Variants in ZMYND8 observed in about 807,000 individuals in gnomAD.
The protein encoded by ZMYND8 is MYND-type zinc finger-containing chromatin reader ZMYND8.
A neutral mutation model predicts 140.8 loss-of-function variants in ZMYND8; 37 were observed. That is an observed-to-expected ratio of 0.26 (90% CI 0.20 to 0.35). ZMYND8 has a LOEUF of 0.35. ZMYND8 is among the 10% of genes least tolerant of loss of function. ZMYND8 has a pLI of 1.00. For synonymous variants in ZMYND8, 592 were observed against 597.1 expected (o/e 0.99, Z 0.12); for missense variants, 1,068 against 1,570.0 (o/e 0.68, Z 5.40).
At chr20:47,214,372 G>A (rs1600846957) in intron 21 of ZMYND8, among the ~76,000 whole-genome samples, 2 of 152,306 alleles carry the variant, frequency 1.3e-5, no homozygotes, top group Admixed American at 1.3e-4. Context: ...CACACTCTCA[G>A]AATCACTGCG....
intron 21 of ZMYND8, among the ~76,000 whole-genome samples, chr20:47,218,550 T>A (rs1329871078): frequency 6.6e-6 from 1 of 152,182 alleles, no homozygotes; most frequent in East Asian, 1.9e-4. Context: ...CAAAAATGAA[T>A]GTAATGAAAA....
chr20:47,299,522 G>C (rs1477707794), intron 3 of ZMYND8, among the ~76,000 whole-genome samples: 3 of 152,172 alleles, frequency 2.0e-5, no homozygotes, highest in African/African-American at 7.2e-5. Context: ...CAGACATTTA[G>C]AGAATAGATC....
At chr20:47,233,167 G>A (rs539475248) in intron 16 of ZMYND8, among the ~76,000 whole-genome samples, 31 of 148,244 alleles carry the variant, frequency 2.1e-4, no homozygotes, top group African/African-American at 7.3e-4. Context: ...TGGGCCTCCC[G>A]AAGTGCTAGG....
intron 12 of ZMYND8, 44 bp from the exon 13 acceptor site, chr20:47,249,483 T>A (rs6512435): frequency 1.3e-6 from 2 of 1,590,114 alleles, no homozygotes; most frequent in Non-Finnish European, 1.7e-6. Context: ...GCACACACCA[T>A]CCTCATCACG....
chr20:47,268,290 CTTTTT>C (rs561765484), intron 11 of ZMYND8, among the ~76,000 whole-genome samples: 1 of 107,344 alleles, frequency 9.3e-6, no homozygotes, highest in Non-Finnish European at 1.8e-5. Context: ...AACCCCGTCT[CTTTTT>C]TTTTTTTTTT....
At chr20:47,291,996 T>C (rs1601647850) in intron 5 of ZMYND8, 108 bp from the exon 6 acceptor site, 1 of 954,592 alleles carries the variant, frequency 1.0e-6, no homozygotes, top group Non-Finnish European at 1.5e-6. Flanking sequence ...TCAGACAATA[T>C]AGTTCTAAAG....
chr20:47,219,916 G>T (rs76620955), intron 21 of ZMYND8, among the ~76,000 whole-genome samples: 4,129 of 151,922 alleles, frequency 0.027, 186 homozygotes, highest in African/African-American at 0.094. Flanking sequence ...GTCATTTACC[G>T]TTCTCATTTC....
intron 2 of ZMYND8, among the ~76,000 whole-genome samples, chr20:47,346,980 T>C (rs913820346): frequency 1.3e-5 from 2 of 152,200 alleles, no homozygotes; most frequent in Non-Finnish European, 2.9e-5. Flanking sequence ...TGCGACACTC[T>C]GCAGCCAAAT....
At position 47,229,817 on chromosome 20, in the gene ZMYND8, A is replaced by G; in HGVS notation, c.2857-11T>C. On this transcript the variant is annotated splice_polypyrimidine_tract_variant and intron_variant, in intron 16 of 22. Transcript: ENST00000471951. ...TATTGCATCCATCATCTGAAAGATA[A>G]AAACAGAAACAATTCAGCTGATCAC... 1 of 1,606,050 alleles carries G rather than the reference A, an allele frequency of 6.2e-7. No homozygotes were observed. The highest frequency in any genetic ancestry group is 8.5e-7 in the Non-Finnish European group (1 of 1,174,482).
intron 2 of ZMYND8, chr20:47,318,840 T>C: frequency 1.3e-6 from 1 of 768,568 alleles, no homozygotes; most frequent in Non-Finnish European, 2.0e-6. Context: ...AATGAGGCTG[T>C]GGAATGAAAG....
intron 2 of ZMYND8, among the ~76,000 whole-genome samples, chr20:47,314,890 G>T (rs1177725978): frequency 2.6e-5 from 4 of 152,190 alleles, no homozygotes; most frequent in Non-Finnish European, 5.9e-5. Context: ...AGAGCCGGGA[G>T]AAAGGGACTA....
At chr20:47,278,051 C>T (rs2076366152) in intron 10 of ZMYND8, among the ~76,000 whole-genome samples, 1 of 152,134 alleles carries the variant, frequency 6.6e-6, no homozygotes, top group African/African-American at 2.4e-5. Flanking sequence ...AGGCTCACTA[C>T]AGCCTCAAAC....
chr20:47,319,011 G>A, intron 2 of ZMYND8: 3 of 1,351,496 alleles, frequency 2.2e-6, no homozygotes, highest in Non-Finnish European at 2.9e-6. Context: ...AAAGAGAACA[G>A]AGGCTCACCC....
At chr20:47,309,559 G>A (rs1333361007) in intron 3 of ZMYND8, among the ~76,000 whole-genome samples, 2 of 151,916 alleles carry the variant, frequency 1.3e-5, no homozygotes, top group South Asian at 2.1e-4. Flanking sequence ...GACCTGCCTC[G>A]GCCTCCCAAA....
intron 19 of ZMYND8, among the ~76,000 whole-genome samples, chr20:47,224,031 C>CA (rs1008384528): frequency 1.7e-4 from 26 of 151,546 alleles, no homozygotes; most frequent in Middle Eastern, 3.2e-3. Context: ...CCATTACTGC[C>CA]AAAAAAAACA....
intron 5 of ZMYND8, among the ~76,000 whole-genome samples, chr20:47,293,763 T>C (rs2077452996): frequency 6.6e-6 from 1 of 152,202 alleles, no homozygotes; most frequent in Admixed American, 6.5e-5. Context: ...CATTGCCCAA[T>C]TGATATGGTT....
In ZMYND8 at chr20:47,220,258, C is replaced by CAG; in HGVS notation, c.3482_3483dup (p.Val1162LeufsTer109). On this transcript the variant is annotated frameshift_variant and splice_region_variant, in exon 21 of 23. Coordinates refer to ENST00000471951, the MANE Select transcript of ZMYND8 (RefSeq NM_001281775.3). LOFTEE classifies it high-confidence loss of function. ...GTTCGCCCACCAGGGGGCAACATAC[C>CAG]AGAGCCTTGGTTGGAGCCTAAGAGA... 6.4e-7 allele frequency: 1 copy of CAG among 1,560,950 alleles called. No individual in the cohort carries two copies. Among genetic ancestry groups the CAG allele is most frequent in the Non-Finnish European group, 8.7e-7 (1 of 1,151,644 alleles).
intron 22 of ZMYND8, among the ~76,000 whole-genome samples, chr20:47,212,026 C>A (rs895391007): frequency 2.6e-5 from 4 of 152,156 alleles, no homozygotes; most frequent in African/African-American, 9.7e-5. Context: ...GGGGCAAGGG[C>A]GGAGTCTTCT....
At chr20:47,262,205 GA>G (rs1369840793) in intron 12 of ZMYND8, 82 bp downstream of exon 12, 2 of 1,585,992 alleles carry the variant, frequency 1.3e-6, no homozygotes, top group Non-Finnish European at 1.7e-6. Flanking sequence ...GAAGGTTCAA[GA>G]ACCACATACA....
Sources: allele counts gnomAD v4.1 joint callset (sites outside exome capture counted in the v4.1 genomes callset), GRCh38; gene constraint gnomAD v4.1.1; transcripts MANE v1.5; gene names NCBI Gene and HGNC (gene_info 2026-07-23, HGNC 2026-07-21).